ARHGAP23: variants seen among roughly 807,000 people sequenced by gnomAD.
ARHGAP23 encodes the protein rho GTPase-activating protein 23.
In ARHGAP23, 34 loss-of-function variants were observed where a neutral mutation model predicts 136.3. That is an observed-to-expected ratio of 0.25 (90% CI 0.19 to 0.33). The LOEUF is 0.33. Ranked by LOEUF, ARHGAP23 falls within the 10% of genes least tolerant of loss-of-function variation. The pLI, the probability that ARHGAP23 is intolerant of heterozygous loss-of-function variation, is 1.00. For missense variants in ARHGAP23, 1,808 were observed against 2,139.0 expected (o/e 0.85, Z 3.05); for synonymous variants, 832 against 920.5 (o/e 0.90, Z 1.74).
intron 3 of ARHGAP23, among the ~76,000 whole-genome samples, chr17:38,461,437 G>A (rs1002296451): frequency 1.3e-5 from 2 of 152,186 alleles, no homozygotes; most frequent in Non-Finnish European, 2.9e-5. Flanking sequence ...GCTCCCCAGA[G>A]GCCCCTGGTG....
chr17:38,493,976 A>G (rs1277740190), intron 20 of ARHGAP23, among the ~76,000 whole-genome samples: 1 of 152,114 alleles, frequency 6.6e-6, no homozygotes, highest in Non-Finnish European at 1.5e-5. Context: ...CAGCCTCAGC[A>G]CTAGTGAGCG....
chr17:38,449,862 C>T (rs897722818), intron 1 of ARHGAP23, among the ~76,000 whole-genome samples: 1 of 152,178 alleles, frequency 6.6e-6, no homozygotes, highest in Non-Finnish European at 1.5e-5. Flanking sequence ...GAAAAGCAGG[C>T]AGAATCGACC....
intron 23 of ARHGAP23, among the ~76,000 whole-genome samples, chr17:38,505,548 C>A (rs1480506529): frequency 2.0e-5 from 3 of 152,184 alleles, no homozygotes; most frequent in African/African-American, 7.2e-5. Context: ...ATGACCCTGA[C>A]CCTGACAGAG....
chr17:38,506,870 T>A (rs2040645171), intron 23 of ARHGAP23, among the ~76,000 whole-genome samples: 1 of 152,170 alleles, frequency 6.6e-6, no homozygotes, highest in Non-Finnish European at 1.5e-5. Context: ...CTCATTTCTG[T>A]CTGGGTCTCT....
chr17:38,422,286 G>A (rs375113895), intron 1 of ARHGAP23, among the ~76,000 whole-genome samples: 115 of 152,286 alleles, frequency 7.6e-4, no homozygotes, highest in Non-Finnish European at 1.4e-3. Context: ...ATGAAATAAT[G>A]TTTATAAAGA....
At chr17:38,484,791 TATC>T (rs1246419640) in intron 16 of ARHGAP23, among the ~76,000 whole-genome samples, 1 of 152,136 alleles carries the variant, frequency 6.6e-6, no homozygotes, top group African/African-American at 2.4e-5. Context: ...TTGTCTTGGA[TATC>T]ATTGTGTCAT....
intron 1 of ARHGAP23, among the ~76,000 whole-genome samples, chr17:38,431,846 G>T (rs920397700): frequency 2.0e-5 from 3 of 152,212 alleles, no homozygotes; most frequent in African/African-American, 7.2e-5. Flanking sequence ...CCCAGGCCAT[G>T]CCTTTCCCTC....
chr17:38,453,095 G>A (rs1456701620), intron 1 of ARHGAP23, among the ~76,000 whole-genome samples: 1 of 152,224 alleles, frequency 6.6e-6, no homozygotes, highest in Non-Finnish European at 1.5e-5. Flanking sequence ...ATGTTGTGGG[G>A]GTCCCTGTGG....
At chr17:38,458,062 G>A (rs2039369969) in intron 1 of ARHGAP23, 40 bp from the exon 2 acceptor site, 1 of 1,534,300 alleles carries the variant, frequency 6.5e-7, no homozygotes, top group Admixed American at 2.0e-5. Flanking sequence ...AGAAGTGTCA[G>A]CCACACGGGC....
chr17:38,433,176 T>TC (rs1183254297), intron 1 of ARHGAP23, among the ~76,000 whole-genome samples: 6 of 152,074 alleles, frequency 3.9e-5, no homozygotes, highest in African/African-American at 7.2e-5. Context: ...CCCAGGCTGG[T>TC]CTCAAAATTC....
intron 12 of ARHGAP23, among the ~76,000 whole-genome samples, chr17:38,478,893 G>A (rs1414874241): frequency 1.3e-5 from 2 of 152,196 alleles, no homozygotes; most frequent in South Asian, 2.1e-4. Context: ...GTGGGCCTGG[G>A]CCTGCTGTGG....
At chr17:38,428,256 G>A (rs1362696391), upstream of ARHGAP23, among the ~76,000 whole-genome samples, 1 of 152,058 alleles carries the variant, frequency 6.6e-6, no homozygotes, top group East Asian at 1.9e-4. Context: ...CTCTCAGGCA[G>A]CGCTCGCCTC....
At chr17:38,420,741 A>G (rs143941529) in intron 1 of ARHGAP23, among the ~76,000 whole-genome samples, 32 of 152,084 alleles carry the variant, frequency 2.1e-4, no homozygotes, top group Non-Finnish European at 4.4e-4. Context: ...CCTGTTTGGC[A>G]TCTTGGGCAT....
intron 6 of ARHGAP23, among the ~76,000 whole-genome samples, chr17:38,465,679 C>T (rs1043797127): frequency 6.6e-6 from 1 of 152,202 alleles, no homozygotes; most frequent in African/African-American, 2.4e-5. Flanking sequence ...GCCAGCTCCC[C>T]ATTCCCGGGG....
intron 1 of ARHGAP23, among the ~76,000 whole-genome samples, chr17:38,431,856 C>T (rs1451355513): frequency 6.6e-6 from 1 of 152,214 alleles, no homozygotes; most frequent in Non-Finnish European, 1.5e-5. Flanking sequence ...GCCTTTCCCT[C>T]TGTGGTTGGT....
At position 38,510,443 on chromosome 17, in the gene ARHGAP23, A is replaced by G; in HGVS notation, c.3947A>G (p.Asp1316Gly). 1 of 1,216,392 alleles carries G rather than the reference A, an allele frequency of 8.2e-7. No homozygotes were observed. Among genetic ancestry groups the G allele is most frequent in the Non-Finnish European group, 1.0e-6 (1 of 978,914 alleles). The allele number at this position is 1,216,392 out of a possible 1,614,324, so 75.3% of individuals were successfully genotyped here. A position where few individuals can be genotyped will look rare whatever the true frequency, so the allele number is the denominator to read the frequency against. ...SFSSHHLMPC[D>G]TLARRRLARG... The stretch of plus-strand genomic sequence containing the variant: ...AGCTCGCACCACCTCATGCCCTGCG[A>G]CACTCTGGCGCGCCGCCGCCTGGCC... Residue 1316 changes from aspartate to glycine, a missense_variant, in exon 24 of 24, where the codon GAC becomes GGC. This residue lies in a region of ARHGAP23 where 506 missense variants were observed against 455.8 expected (regional missense o/e 1.11). Transcript: ENST00000622683. The surrounding 1 kb of genome is among the most constrained non-coding windows in gnomAD (Gnocchi z 4.6).
At chr17:38,458,039 G>A in intron 1 of ARHGAP23, 63 bp from the exon 2 acceptor site, 2 of 1,522,986 alleles carry the variant, frequency 1.3e-6, no homozygotes, top group East Asian at 4.9e-5. Flanking sequence ...TGCAGGAGGT[G>A]GTGCAAACAG....
At chr17:38,490,820 C>CA in intron 19 of ARHGAP23, among the ~76,000 whole-genome samples, 1 of 152,328 alleles carries the variant, frequency 6.6e-6, no homozygotes, top group Admixed American at 6.5e-5. Flanking sequence ...CGACTTAGCT[C>CA]AAGTCCCTCG....
upstream of ARHGAP23, among the ~76,000 whole-genome samples, chr17:38,427,973 A>C: frequency 6.6e-6 from 1 of 150,502 alleles, no homozygotes; most frequent in Non-Finnish European, 1.5e-5. Context: ...TTTGTTTCTG[A>C]CTTTCTCTGC....
Sources: gnomAD v4.1 joint callset for allele counts (sites outside exome capture counted in the v4.1 genomes callset) on GRCh38, gnomAD v4.1.1 for gene constraint, gnomAD v4.1.1 regional missense constraint, Gnocchi (gnomAD v3.1) non-coding constraint, MANE v1.5 for transcripts, NCBI Gene and HGNC (gene_info 2026-07-23, HGNC 2026-07-21) for gene names.